Variants in ABHD18 observed in about 807,000 individuals in gnomAD.
ABHD18 encodes abhydrolase domain containing 18.
Under a neutral mutation model 65.9 loss-of-function variants are expected in ABHD18, and 55 were observed. The observed-to-expected ratio is 0.84, with a 90% CI of 0.67 to 1.05. The LOEUF (loss-of-function observed/expected upper bound fraction) is 1.05, where lower values mean the gene tolerates loss of function less well. Ranked by LOEUF, ABHD18 falls within the 50% of genes least tolerant of loss-of-function variation. ABHD18 has a pLI of 0.00. For synonymous variants in ABHD18, 181 were observed against 180.2 expected (o/e 1.00, Z -0.04); for missense variants, 533 against 558.5 (o/e 0.95, Z 0.46).
intron 1 of ABHD18, among the ~76,000 whole-genome samples, chr4:127,973,768 G>A (rs1400512823): frequency 1.4e-5 from 2 of 148,070 alleles, no homozygotes; most frequent in Non-Finnish European, 3.0e-5. Flanking sequence ...GTGACAGGGG[G>A]CTGTGGATAG....
At chr4:127,993,624 G>A (rs992764103) in intron 4 of ABHD18, among the ~76,000 whole-genome samples, 1 of 151,980 alleles carries the variant, frequency 6.6e-6, no homozygotes, top group Admixed American at 6.6e-5. Context: ...ACTATTTTAT[G>A]TATATTCTAG....
At chr4:127,983,295 C>G (rs1560836239) in intron 2 of ABHD18, among the ~76,000 whole-genome samples, 1 of 152,116 alleles carries the variant, frequency 6.6e-6, no homozygotes, top group Non-Finnish European at 1.5e-5. Flanking sequence ...CTCAGAAACA[C>G]AGAGTAGATT....
Position 128,021,183 on chromosome 4 carries a change from A to G in ABHD18, c.746A>G (p.Tyr249Cys). ...SINWRELEKQYYTQTVYEEEI... is the reference protein window; with the variant it reads ...SINWRELEKQCYTQTVYEEEI... Reference sequence around the variant, plus strand: ...AATTGGAGGGAGCTGGAAAAGCAATATTATACCCAGACAGTTTATGAAGAA... The same window carrying G: ...AATTGGAGGGAGCTGGAAAAGCAATGTTATACCCAGACAGTTTATGAAGAA... Residue 249 changes from tyrosine (Y) to cysteine (C), a missense_variant, in exon 10 of 13, where the codon TAT (tyrosine) becomes TGT (cysteine). By Grantham distance (194) the Tyr-to-Cys change is radical. Around this residue, in one of 3 missense-constraint regions of ABHD18, gnomAD observed 309 missense variants for 313.5 expected, o/e 0.99. Transcript: ENST00000645843. The G allele has an allele frequency of 6.5e-7, 1 of 1,549,062 alleles. No individual in the cohort carries two copies. The highest frequency in any genetic ancestry group is 8.7e-7 in the Non-Finnish European group (1 of 1,145,610).
At chr4:127,972,686 G>A (rs941987309) in intron 1 of ABHD18, among the ~76,000 whole-genome samples, 5 of 151,942 alleles carry the variant, frequency 3.3e-5, no homozygotes, top group African/African-American at 1.2e-4. Context: ...GATTACAGGC[G>A]TGAGCCACCG....
At chr4:127,974,997 CAAA>C (rs34068699) in intron 1 of ABHD18, among the ~76,000 whole-genome samples, 5 of 88,264 alleles carry the variant, frequency 5.7e-5, no homozygotes, top group South Asian at 8.5e-4. Flanking sequence ...AACTGTGTCT[CAAA>C]AAAAAAAAAA....
intron 1 of ABHD18, among the ~76,000 whole-genome samples, chr4:127,972,394 A>G (rs545070893): frequency 1.3e-5 from 2 of 152,194 alleles, no homozygotes; most frequent in Admixed American, 6.5e-5. Flanking sequence ...GCCAGCCCTG[A>G]TTCTGAAACT....
chr4:128,031,937 C>A (rs1758275900), intron 12 of ABHD18, among the ~76,000 whole-genome samples: 1 of 152,160 alleles, frequency 6.6e-6, no homozygotes, highest in South Asian at 2.1e-4. Context: ...TCCGTGACTA[C>A]CTAGGGTTGC....
chr4:128,013,238 G>A (rs1016513306), intron 7 of ABHD18, among the ~76,000 whole-genome samples: 1 of 152,092 alleles, frequency 6.6e-6, no homozygotes, highest in African/African-American at 2.4e-5. Context: ...TGGGACAAGA[G>A]TAGCAGCAGA....
At chr4:128,021,996 G>T (rs918788239) in intron 10 of ABHD18, among the ~76,000 whole-genome samples, 1 of 152,028 alleles carries the variant, frequency 6.6e-6, no homozygotes, top group South Asian at 2.1e-4. Context: ...ACCAAACACC[G>T]CATGTTCTCA....
intron 4 of ABHD18, among the ~76,000 whole-genome samples, chr4:128,003,179 C>A (rs1445740723): frequency 2.6e-5 from 4 of 151,538 alleles, no homozygotes; most frequent in Non-Finnish European, 4.4e-5. Context: ...CCAGCCTGGC[C>A]AATATGGTGA....
At chr4:128,012,622 T>C (rs1241711501) in intron 7 of ABHD18, among the ~76,000 whole-genome samples, 3 of 151,954 alleles carry the variant, frequency 2.0e-5, no homozygotes, top group Admixed American at 6.6e-5. Flanking sequence ...GGATGCAGTG[T>C]AGTAACAGTA....
chr4:128,017,642 C>G, intron 8 of ABHD18, 141 bp downstream of exon 8: 1 of 685,312 alleles, frequency 1.5e-6, no homozygotes, highest in Non-Finnish European at 2.3e-6. Context: ...CAAACTCTTA[C>G]TCCAATTATG....
intron 8 of ABHD18, 93 bp from the exon 9 acceptor site, chr4:128,019,987 C>T (rs1379370024): frequency 1.3e-6 from 1 of 770,148 alleles, no homozygotes; most frequent in East Asian, 2.8e-5. Context: ...ATCTGACCAA[C>T]TATTTACTGC....
At chr4:127,969,853 C>G (rs1024043703) in intron 1 of ABHD18, among the ~76,000 whole-genome samples, 43 of 151,548 alleles carry the variant, frequency 2.8e-4, no homozygotes, top group Admixed American at 4.6e-4. Context: ...CTTACACAAT[C>G]TTCCCTCCAC....
chr4:127,966,273 A>G (rs1560798620), intron 1 of ABHD18, among the ~76,000 whole-genome samples: 1 of 152,150 alleles, frequency 6.6e-6, no homozygotes, highest in Non-Finnish European at 1.5e-5. Flanking sequence ...ATACATTGTC[A>G]TGTAATTTCA....
intron 10 of ABHD18, among the ~76,000 whole-genome samples, chr4:128,023,403 CAAAAAAAAAAAAAAA>C (rs59549849): frequency 1.6e-4 from 7 of 44,952 alleles, no homozygotes; most frequent in Admixed American, 4.6e-4. Context: ...CTTGTCTCTA[CAAAAAAAAAAAAAAA>C]AAAAAAAAAA....
chr4:127,970,190 G>A (rs1264796239), intron 1 of ABHD18, among the ~76,000 whole-genome samples: 1 of 151,968 alleles, frequency 6.6e-6, no homozygotes, highest in African/African-American at 2.4e-5. Flanking sequence ...GCCTAGCCAG[G>A]ATTTTTAATT....
At chr4:127,997,878 G>A (rs183764000) in intron 4 of ABHD18, among the ~76,000 whole-genome samples, 137 of 144,752 alleles carry the variant, frequency 9.5e-4, no homozygotes, top group Non-Finnish European at 1.6e-3. Flanking sequence ...CCTCCTCCTC[G>A]TTTTTTTTTG....
At chr4:128,008,585 T>G (rs1754032908) in intron 4 of ABHD18, among the ~76,000 whole-genome samples, 2 of 152,174 alleles carry the variant, frequency 1.3e-5, no homozygotes, top group South Asian at 2.1e-4. Flanking sequence ...AATAGTTACT[T>G]CTTTTAAGAC....
Sources: gnomAD v4.1 joint callset for allele counts (sites outside exome capture counted in the v4.1 genomes callset) on GRCh38, gnomAD v4.1.1 for gene constraint, gnomAD v4.1.1 regional missense constraint, MANE v1.5 for transcripts, NCBI Gene and HGNC (gene_info 2026-07-23, HGNC 2026-07-21) for gene names.